Variants in SV2C observed in about 807,000 individuals in gnomAD.
The protein encoded by SV2C is synaptic vesicle glycoprotein 2C, also known as solute carrier family 22 member B3.
In SV2C, 49 loss-of-function variants were observed where a neutral mutation model predicts 79.7. That is an observed-to-expected ratio of 0.61 (90% confidence interval 0.49 to 0.78). SV2C has a LOEUF of 0.78. SV2C is among the 30% of genes least tolerant of loss of function. SV2C has a pLI of 0.00. For missense variants in SV2C, 833 were observed against 912.9 expected (o/e 0.91, Z 1.13); for synonymous variants, 334 against 333.2 (o/e 1.00, Z -0.03).
the SV2C span, among the ~76,000 whole-genome samples, chr5:76,036,983 A>G: frequency 6.6e-6 from 1 of 151,840 alleles, no homozygotes; most frequent in South Asian, 2.1e-4. Flanking sequence ...TTCTTGCTTC[A>G]TTTCATTCAT....
the SV2C span, among the ~76,000 whole-genome samples, chr5:75,966,044 A>G: frequency 6.6e-6 from 1 of 152,236 alleles, no homozygotes; most frequent in African/African-American, 2.4e-5. Context: ...ACACTATTAC[A>G]ATTGCATTCA....
chr5:76,299,025 T>A, intron 10 of SV2C, 98 bp downstream of exon 10: 1 of 1,340,486 alleles, frequency 7.5e-7, no homozygotes, highest in East Asian at 2.4e-5. Context: ...ATGCGGGAAG[T>A]GGATATTAAA....
At chr5:76,296,926 G>A (rs1349930187) in intron 9 of SV2C, among the ~76,000 whole-genome samples, 3 of 152,166 alleles carry the variant, frequency 2.0e-5, no homozygotes, top group Non-Finnish European at 4.4e-5. Context: ...GCATTTCACA[G>A]AAAGCTTAGT....
chr5:76,182,643 G>C (rs928353209), intron 2 of SV2C, among the ~76,000 whole-genome samples: 1 of 152,186 alleles, frequency 6.6e-6, no homozygotes, highest in Non-Finnish European at 1.5e-5. Flanking sequence ...TGAGAGTGAG[G>C]CTCCTTAAAT....
the SV2C span, among the ~76,000 whole-genome samples, chr5:75,903,226 A>T: frequency 6.6e-6 from 1 of 151,990 alleles, no homozygotes; most frequent in Non-Finnish European, 1.5e-5. Context: ...GGCTCAAAGT[A>T]TCCTTAGAGA....
the SV2C span, among the ~76,000 whole-genome samples, chr5:76,071,126 G>A: frequency 6.6e-6 from 1 of 152,234 alleles, no homozygotes; most frequent in Admixed American, 6.5e-5. Flanking sequence ...GCAGGCAAGT[G>A]CTCCACAGTC....
chr5:76,315,036 A>G (rs1357241996), intron 12 of SV2C, among the ~76,000 whole-genome samples: 1 of 152,142 alleles, frequency 6.6e-6, no homozygotes, highest in Non-Finnish European at 1.5e-5. Context: ...ATGGTGGTGG[A>G]GATGGGAGGG....
the SV2C span, among the ~76,000 whole-genome samples, chr5:75,972,964 T>C: frequency 1.4e-3 from 220 of 152,214 alleles, 7 homozygotes; most frequent in East Asian, 0.041. Context: ...TAAGAAAATA[T>C]GGCACCTATA....
chr5:76,264,880 T>TCGGA (rs1297532374), intron 4 of SV2C, among the ~76,000 whole-genome samples: 13 of 152,306 alleles, frequency 8.5e-5, no homozygotes, highest in Admixed American at 8.5e-4. Flanking sequence ...CAACCCCTGT[T>TCGGA]CGGAGGTCTC....
the SV2C span, among the ~76,000 whole-genome samples, chr5:75,940,310 G>A: frequency 6.6e-6 from 1 of 152,030 alleles, no homozygotes; most frequent in African/African-American, 2.4e-5. Flanking sequence ...GTTGCAGTAA[G>A]CTGAGATTAT....
chr5:75,871,462 C>A, the SV2C span, among the ~76,000 whole-genome samples: 3 of 152,056 alleles, frequency 2.0e-5, no homozygotes, highest in Admixed American at 2.0e-4. Flanking sequence ...ATGTAGAAAG[C>A]CCCCAAAAGT....
chr5:76,127,758 C>A (rs1311927491), intron 1 of SV2C, among the ~76,000 whole-genome samples: 1 of 152,142 alleles, frequency 6.6e-6, no homozygotes, highest in Non-Finnish European at 1.5e-5. Flanking sequence ...CCACCATTGC[C>A]CCCAGGACCC....
intron 12 of SV2C, among the ~76,000 whole-genome samples, chr5:76,313,222 T>C (rs1032667673): frequency 6.6e-6 from 1 of 152,232 alleles, no homozygotes; most frequent in African/African-American, 2.4e-5. Flanking sequence ...AATATAAAGA[T>C]AAATATCTCA....
At chr5:76,261,729 A>G (rs1258336871) in intron 4 of SV2C, among the ~76,000 whole-genome samples, 1 of 152,184 alleles carries the variant, frequency 6.6e-6, no homozygotes, top group Non-Finnish European at 1.5e-5. Context: ...GGTTCGGTTT[A>G]TGTGATGGAT....
chr5:75,965,309 A>G, the SV2C span, among the ~76,000 whole-genome samples: 4 of 152,218 alleles, frequency 2.6e-5, no homozygotes, highest in Non-Finnish European at 4.4e-5. Context: ...GCTGTGGGTT[A>G]AATGTTTGTG....
chr5:75,890,978 C>T, the SV2C span, among the ~76,000 whole-genome samples: 8 of 152,158 alleles, frequency 5.3e-5, no homozygotes, highest in East Asian at 1.2e-3. Flanking sequence ...CTCTGAGCAA[C>T]GTTGCTGTGT....
chr5:76,059,172 G>A, the SV2C span, among the ~76,000 whole-genome samples: 13 of 152,090 alleles, frequency 8.5e-5, no homozygotes, highest in Non-Finnish European at 1.9e-4. Context: ...GGAGGGTTTT[G>A]TCTCAATGTT....
At chr5:76,264,273 C>T (rs1221349776) in intron 4 of SV2C, among the ~76,000 whole-genome samples, 1 of 151,914 alleles carries the variant, frequency 6.6e-6, no homozygotes, top group African/African-American at 2.4e-5. Context: ...CTGTGTTTTT[C>T]AGCTCCAACA....
the SV2C span, among the ~76,000 whole-genome samples, chr5:75,900,357 A>T: frequency 1.3e-5 from 2 of 152,322 alleles, no homozygotes; most frequent in South Asian, 4.2e-4. Context: ...TTTTGGTTTG[A>T]AAATTCTTTT....
Sources: allele counts gnomAD v4.1 joint callset (sites outside exome capture counted in the v4.1 genomes callset), GRCh38; gene constraint gnomAD v4.1.1; transcripts MANE v1.5; gene names NCBI Gene and HGNC (gene_info 2026-07-23, HGNC 2026-07-21).